NHERF2: variants seen among roughly 807,000 people sequenced by gnomAD.
NHERF2 encodes the protein Na(+)/H(+) exchange regulatory cofactor NHE-RF2.
the NHERF2 span, chr16:2,033,090 G>C: frequency 1.0e-6 from 1 of 985,302 alleles, no homozygotes; most frequent in African/African-American, 1.7e-5. Context: ...GGGCAGGGCA[G>C]GGCCTTCCAG....
At chr16:2,029,673 C>T in the NHERF2 span, 1 of 1,564,488 alleles carries the variant, frequency 6.4e-7, no homozygotes, top group African/African-American at 1.4e-5. Context: ...CGGCAGCTGA[C>T]CTGTACCGAG....
At chr16:2,029,553 G>T in the NHERF2 span, 1 of 1,550,030 alleles carries the variant, frequency 6.5e-7, no homozygotes, top group South Asian at 1.2e-5. Flanking sequence ...GTGGGCCACT[G>T]ACCCGCTCCT....
At chr16:2,036,250 C>T in the NHERF2 span, 31 of 1,438,504 alleles carry the variant, frequency 2.2e-5, no homozygotes, top group Admixed American at 2.6e-4. Context: ...TGGGCAGTGG[C>T]GGCACCACCG....
the NHERF2 span, chr16:2,033,562 T>A: frequency 1.0e-6 from 1 of 968,848 alleles, no homozygotes; most frequent in Non-Finnish European, 1.5e-6. Flanking sequence ...AAGGCCTTTC[T>A]CTGCCAGGGC....
chr16:2,029,708 C>T, the NHERF2 span: 23 of 1,556,030 alleles, frequency 1.5e-5, no homozygotes, highest in Admixed American at 5.8e-5. Context: ...AGGGCTCCCA[C>T]CCGCCCACGA....
the NHERF2 span, among the ~76,000 whole-genome samples, chr16:2,030,373 A>G: frequency 6.6e-6 from 1 of 152,034 alleles, no homozygotes; most frequent in Non-Finnish European, 1.5e-5. Context: ...GATACAAGGG[A>G]GGGCCCTGGG....
At chr16:2,031,294 G>C in the NHERF2 span, among the ~76,000 whole-genome samples, 1 of 152,126 alleles carries the variant, frequency 6.6e-6, no homozygotes, top group East Asian at 1.9e-4. Context: ...CAGGGCTGGT[G>C]GGGGGGCTGG....
chr16:2,036,341 G>C, the NHERF2 span: 1 of 1,609,806 alleles, frequency 6.2e-7, no homozygotes, highest in Non-Finnish European at 8.5e-7. Context: ...GTGGGCCCCT[G>C]AGGGAGCTGC....
the NHERF2 span, chr16:2,037,823 C>A: frequency 6.3e-7 from 1 of 1,584,126 alleles, no homozygotes; most frequent in South Asian, 1.1e-5. Flanking sequence ...GTGCTCACCC[C>A]AGGATGGCAG....
the NHERF2 span, chr16:2,035,679 C>T: frequency 0.29 from 290,231 of 985,214 alleles, 43,542 homozygotes; most frequent in South Asian, 0.46. Flanking sequence ...AGAGCCCTAC[C>T]GCAGGATGCC....
chr16:2,032,805 G>A, the NHERF2 span: 2 of 996,752 alleles, frequency 2.0e-6, no homozygotes, highest in Non-Finnish European at 2.4e-6. This position sits in a 1 kb window ranked among gnomAD's most constrained non-coding sequence, Gnocchi z 4.0. Flanking sequence ...AACAGAGACG[G>A]GGTGGCCAGC....
the NHERF2 span, among the ~76,000 whole-genome samples, chr16:2,028,676 C>T: frequency 2.6e-5 from 4 of 152,154 alleles, no homozygotes; most frequent in African/African-American, 9.7e-5. Context: ...GGGCCTGGCT[C>T]AGTCCCTCCT....
chr16:2,036,799 G>A, the NHERF2 span: 1 of 1,613,376 alleles, frequency 6.2e-7, no homozygotes, highest in African/African-American at 1.3e-5. Context: ...GGGAGGACGA[G>A]GCCCGGCTGC....
the NHERF2 span, chr16:2,029,809 C>T: frequency 5.9e-6 from 9 of 1,533,632 alleles, no homozygotes; most frequent in African/African-American, 1.1e-4. Context: ...CCACAGGGAC[C>T]ACCCTAGCCT....
At chr16:2,037,972 C>T in the NHERF2 span, 2 of 1,613,552 alleles carry the variant, frequency 1.2e-6, no homozygotes, top group South Asian at 1.1e-5. Flanking sequence ...GTGAAATCTT[C>T]AGCAACTTCT....
chr16:2,038,248 A>G, the NHERF2 span: 1 of 577,684 alleles, frequency 1.7e-6, no homozygotes, highest in Non-Finnish European at 3.1e-6. Context: ...AGACACAGAG[A>G]GAGACAGAGA....
the NHERF2 span, among the ~76,000 whole-genome samples, chr16:2,027,401 G>T: frequency 3.3e-5 from 5 of 152,214 alleles, no homozygotes; most frequent in African/African-American, 4.8e-5. Flanking sequence ...ACGGGGGTGG[G>T]GGGGGGCATC....
the NHERF2 span, chr16:2,033,249 G>T: frequency 6.6e-7 from 1 of 1,521,926 alleles, no homozygotes; most frequent in East Asian, 2.5e-5. Flanking sequence ...GGGAGCCAGG[G>T]CCGCAGAGGG....
chr16:2,033,138 C>A, the NHERF2 span: 1 of 1,412,126 alleles, frequency 7.1e-7, no homozygotes, highest in Non-Finnish European at 9.2e-7. Flanking sequence ...GGAAGCCTAG[C>A]TGGGTGGGGG....
Sources: allele counts gnomAD v4.1 joint callset (sites outside exome capture counted in the v4.1 genomes callset), GRCh38; gene constraint gnomAD v4.1.1; non-coding constraint Gnocchi (gnomAD v3.1); transcripts MANE v1.5; gene names NCBI Gene and HGNC (gene_info 2026-07-23, HGNC 2026-07-21).